The following KIF3C variants were observed in gnomAD, a reference collection of about 807,000 sequenced individuals.
The protein encoded by KIF3C is kinesin family member 3C.
In KIF3C, 12 loss-of-function variants were observed where a neutral mutation model predicts 67.7. The observed-to-expected ratio is 0.18, with a 90% confidence interval of 0.11 to 0.29. KIF3C has a LOEUF of 0.29. Ranked by LOEUF, KIF3C falls within the 10% of genes least tolerant of loss-of-function variation. The probability of loss-of-function intolerance (pLI) is 1.00; values close to 1 mark genes in which losing one functional copy is unlikely to be tolerated. For synonymous variants in KIF3C, 393 were observed against 426.2 expected, an observed-to-expected ratio of 0.92 and a Z score of 0.96; for missense variants, 789 against 1,059.6, an observed-to-expected ratio of 0.74 and a Z score of 3.55.
In KIF3C at chr2:25,927,244, G is replaced by C. The variant is rs1008137807; in HGVS notation, c.*1734C>G. ...CTGCTTTGTCCACAAACGAGAAAGA[G>C]GTCAGTGGGAGAGGCTGCTCAACGC... On this transcript the variant is annotated 3_prime_UTR_variant, in exon 8 of 8. Coordinates refer to ENST00000264712, the MANE Select transcript of KIF3C (RefSeq NM_002254.8). 2 of 152,664 alleles carry C rather than the reference G, an allele frequency of 1.3e-5. No individual in the cohort carries two copies. The highest frequency in any genetic ancestry group is 6.5e-5 in the Admixed American group (1 of 15,276). The allele number at this position is 152,664 out of a possible 1,614,324, so 9.5% of individuals were successfully genotyped here.
intron 1 of KIF3C, among the ~76,000 whole-genome samples, chr2:25,978,616 C>T (rs1012602703): frequency 6.6e-6 from 1 of 152,100 alleles, no homozygotes; most frequent in Non-Finnish European, 1.5e-5. Flanking sequence ...CCCATACTGC[C>T]TTAGATCCAA....
chr2:25,945,493 G>A (rs1334211087), intron 5 of KIF3C, among the ~76,000 whole-genome samples: 1 of 147,766 alleles, frequency 6.8e-6, no homozygotes, highest in Non-Finnish European at 1.5e-5. Flanking sequence ...CTTGAACCCA[G>A]GAGGCGGAGG....
intron 5 of KIF3C, among the ~76,000 whole-genome samples, chr2:25,947,003 AAT>A (rs1663459247): frequency 7.9e-5 from 12 of 151,600 alleles, no homozygotes; most frequent in Admixed American, 5.9e-4. Context: ...AATACAAAAA[AAT>A]TTAACCAAGT....
At position 25,930,039 on chromosome 2, in the gene KIF3C, C is replaced by A. The variant is rs375610567; in HGVS notation, c.2031G>T (p.Arg677=). 3.4e-5 allele frequency: 55 copies of A among 1,614,062 alleles called. No individual in the cohort carries two copies. In the African/African-American group the frequency reaches 7.2e-4, roughly 21 times the overall value. The change falls in exon 6 of 8, where the codon CGG becomes CGT. Residue 677 remains arginine, a synonymous_variant. Transcript: ENST00000264712. ...TCTTGTAGCCCACTGCAGATGTTGG[C>A]CGCTTCTTCATCTGGCTGCTACTGC... ...AGVSSSQMKK[R]PTSAVGYKRP... is the part of the protein sequence containing the mutation.
chr2:25,929,139 C>T, intron 7 of KIF3C, 68 bp from the exon 8 acceptor site: 1 of 1,455,220 alleles, frequency 6.9e-7, no homozygotes, highest in Non-Finnish European at 9.6e-7. Flanking sequence ...AGTGGGTCCT[C>T]TCCTTTGCCC....
At chr2:25,967,975 T>C (rs1664187178) in intron 1 of KIF3C, among the ~76,000 whole-genome samples, 1 of 152,200 alleles carries the variant, frequency 6.6e-6, no homozygotes, top group African/African-American at 2.4e-5. Context: ...TACCCACCAC[T>C]TGCCACAAAA....
chr2:25,979,688 G>A (rs1468624692), intron 1 of KIF3C, among the ~76,000 whole-genome samples: 1 of 152,114 alleles, frequency 6.6e-6, no homozygotes, highest in Non-Finnish European at 1.5e-5. Flanking sequence ...AAGGCCCAGG[G>A]GACCATTTTC....
chr2:25,974,214 C>T (rs936438710), intron 1 of KIF3C, among the ~76,000 whole-genome samples: 18 of 152,192 alleles, frequency 1.2e-4, no homozygotes, highest in Admixed American at 5.9e-4. Context: ...GGACTACAGA[C>T]GCGCGCCACC....
At chr2:25,938,428 G>T in intron 5 of KIF3C, 3 of 365,404 alleles carry the variant, frequency 8.2e-6, no homozygotes, top group South Asian at 6.2e-5. Flanking sequence ...ACAGGGTGGG[G>T]GTTCCCCCCA....
intron 1 of KIF3C, among the ~76,000 whole-genome samples, chr2:25,962,950 T>TAA (rs1391138992): frequency 2.8e-5 from 1 of 35,504 alleles, no homozygotes; most frequent in Non-Finnish European, 3.8e-5. Context: ...ATATAATATA[T>TAA]AATATATAAT....
chr2:25,970,667 CAAAAAAAAAAAAAA>C (rs397984116), intron 1 of KIF3C, among the ~76,000 whole-genome samples: 2 of 54,788 alleles, frequency 3.7e-5, no homozygotes, highest in Non-Finnish European at 6.4e-5. Context: ...AACTTTGTCT[CAAAAAAAAAAAAAA>C]AAAAAAAAAA....
At chr2:25,971,533 A>G (rs985490679) in intron 1 of KIF3C, among the ~76,000 whole-genome samples, 1 of 152,130 alleles carries the variant, frequency 6.6e-6, no homozygotes, top group Non-Finnish European at 1.5e-5. Context: ...GACAACTAGA[A>G]AGTAATTTTT....
rs1289234388 is a variant in KIF3C at position 25,981,067 on chromosome 2, C to A, written c.851G>T (p.Gly284Val). ...GGGGSGGGAGGERPKEASKIN... is the reference protein window; with the variant it reads ...GGGGSGGGAGVERPKEASKIN... ...TTTGGAGGCTTCCTTAGGCCTCTCT[C>A]CACCAGCACCACCACCACTGCCTCC... Residue 284 changes from glycine (G) to valine (V), a missense_variant, in exon 1 of 8, where the codon GGA becomes GTA. Gly to Val is a moderately radical substitution (Grantham distance 109). Around this residue, in one of 2 missense-constraint regions of KIF3C, gnomAD observed 648 missense variants for 807.8 expected, o/e 0.80. Coordinates refer to ENST00000264712, the MANE Select transcript of KIF3C (RefSeq NM_002254.8). This position sits in a 1 kb window ranked among gnomAD's most constrained non-coding sequence, Gnocchi z 8.2. The A allele has an allele frequency of 6.2e-7, 1 of 1,614,064 alleles. No homozygotes were observed. The highest frequency in any genetic ancestry group is 2.2e-5 in the East Asian group (1 of 44,890).
chr2:25,940,012 A>G (rs1315679606), intron 5 of KIF3C, among the ~76,000 whole-genome samples: 36 of 152,180 alleles, frequency 2.4e-4, no homozygotes, highest in Non-Finnish European at 5.9e-5. Flanking sequence ...TTAACAAAAA[A>G]TCAACATCTA....
intron 1 of KIF3C, among the ~76,000 whole-genome samples, chr2:25,970,965 GAAAAAAAAAAAAAA>G (rs970182694): frequency 2.0e-5 from 1 of 49,326 alleles, no homozygotes; most frequent in African/African-American, 8.4e-5. Context: ...CTCTATGAAG[GAAAAAAAAAAAAAA>G]AAAAAAAAAA....
In KIF3C at chr2:25,982,443, C is replaced by T; in HGVS notation, c.-526G>A. 1 of 398,718 alleles carries T rather than the reference C, an allele frequency of 2.5e-6. No homozygotes were observed. The highest frequency in any genetic ancestry group is 3.6e-5 in the East Asian group (1 of 28,054). 24.7% of individuals were successfully genotyped at this position (398,718 alleles called of 1,614,324 possible). ...TTCATTGCAGCCAGCGCGGCTGCTG[C>T]TGCCTCTGCCTCCGCCTTCCCCGCC... On this transcript the variant is annotated 5_prime_UTR_variant, in exon 1 of 8. Transcript: ENST00000264712.
rs1370563891 is a variant in KIF3C at position 25,981,715 on chromosome 2, G to A, written c.203C>T (p.Ser68Phe). The change falls in exon 1 of 8, where the codon TCC becomes TTC. Residue 68 changes from serine to phenylalanine, a missense_variant. Transcript: ENST00000264712. The surrounding 1 kb of genome is among the most constrained non-coding windows in gnomAD (Gnocchi z 8.2). ...TTCGTCATACAGGTCGGCCTGCTTGGAGCTGGCATCATACACGGCGTCAAA... is the reference window on the plus strand; with the variant it reads ...TTCGTCATACAGGTCGGCCTGCTTGAAGCTGGCATCATACACGGCGTCAAA... ...FTFDAVYDAS[S>F]KQADLYDETV... 3 of 1,613,672 alleles carry A rather than the reference G, an allele frequency of 1.9e-6. No individual in the cohort carries two copies. The highest frequency in any genetic ancestry group is 2.7e-5 in the African/African-American group (2 of 75,068).
rs1420560572 is a variant in KIF3C, at chr2:25,981,210, G to A, written c.708C>T (p.His236=). 6 of 1,614,150 alleles carry A rather than the reference G, an allele frequency of 3.7e-6. No individual in the cohort carries two copies. The highest frequency in any genetic ancestry group is 5.1e-6 in the Non-Finnish European group (6 of 1,180,046). Residue 236 remains histidine, a synonymous_variant, in exon 1 of 8, where the codon CAC becomes CAT. Transcript: ENST00000264712. This position sits in a 1 kb window ranked among gnomAD's most constrained non-coding sequence, Gnocchi z 8.2. ...CSERGSDGQD[H]IRVGKLNLVD... is the part of the protein sequence containing the mutation. Reference sequence around the variant, plus strand: ...CGAGGTTGAGCTTGCCCACTCGGATGTGGTCCTGGCCATCAGAGCCACGTT... The same window carrying A: ...CGAGGTTGAGCTTGCCCACTCGGATATGGTCCTGGCCATCAGAGCCACGTT...
Position 25,981,433 on chromosome 2 carries a change from C to G in KIF3C, c.485G>C (p.Gly162Ala), listed in dbSNP as rs555020472. The G allele has an allele frequency of 2.5e-6, 4 of 1,614,196 alleles. No individual in the cohort carries two copies. In the South Asian group the frequency reaches 4.4e-5, roughly 18 times the overall value. Residue 162 changes from glycine (G) to alanine (A), a missense_variant, in exon 1 of 8, where the codon GGC becomes GCC. Gly to Ala is a moderately conservative substitution (Grantham distance 60, BLOSUM62 0). Around this residue, in one of 2 missense-constraint regions of KIF3C, gnomAD observed 141 missense variants for 251.8 expected, o/e 0.56. Transcript: ENST00000264712. This position sits in a 1 kb window ranked among gnomAD's most constrained non-coding sequence, Gnocchi z 8.2. ...EIRDLLSKEP[G>A]KRLELKENPE... ...GTTCTCTTTCAGCTCTAGCCTCTTG[C>G]CCGGCTCCTTGGAGAGCAGGTCTCG...
Sources: allele counts gnomAD v4.1 joint callset (sites outside exome capture counted in the v4.1 genomes callset), GRCh38; gene constraint gnomAD v4.1.1; regional missense constraint gnomAD v4.1.1; non-coding constraint Gnocchi (gnomAD v3.1); transcripts MANE v1.5; gene names NCBI Gene and HGNC (gene_info 2026-07-23, HGNC 2026-07-21).